TLN2: variants seen among roughly 807,000 people sequenced by gnomAD.
The protein encoded by TLN2 is talin 2.
A neutral mutation model predicts 294.7 loss-of-function variants in TLN2; 118 were observed. The observed-to-expected ratio is 0.40, with a 90% CI of 0.34 to 0.47. The LOEUF is 0.47. Ranked by LOEUF, TLN2 falls within the 20% of genes least tolerant of loss-of-function variation. TLN2 has a pLI of 0.84. For missense variants in TLN2, 3,083 were observed against 3,282.2 expected (o/e 0.94, Z 1.48); for synonymous variants, 1,431 against 1,304.5 (o/e 1.10, Z -2.09).
At chr15:62,541,463 G>A (rs2041680352) in intron 1 of TLN2, among the ~76,000 whole-genome samples, 2 of 152,120 alleles carry the variant, frequency 1.3e-5, no homozygotes, top group South Asian at 4.2e-4. Context: ...TTTGACCCTG[G>A]ATGGTGCTCC....
Position 62,843,954 on chromosome 15 carries a change from A to C in TLN2, c.*3344A>C, listed in dbSNP as rs2070959202. On this transcript the variant is annotated 3_prime_UTR_variant, in exon 59 of 59. Coordinates refer to ENST00000636159, the MANE Select transcript of TLN2 (RefSeq NM_015059.3). ...AGGCCTCTGGGATGCTGGCCTTAAG[A>C]TCTCAGCACAGACTATCAGCATGTT... The C allele has an allele frequency of 6.6e-6, 1 of 152,138 alleles. No individual in the cohort carries two copies. Among genetic ancestry groups the C allele is most frequent in the African/African-American group, 2.4e-5 (1 of 41,424 alleles). 9.4% of individuals were successfully genotyped at this position (152,138 alleles called of 1,614,324 possible). A position where few individuals can be genotyped will look rare whatever the true frequency, so the allele number is the denominator to read the frequency against.
intron 3 of TLN2, among the ~76,000 whole-genome samples, chr15:62,631,639 C>T (rs1425954655): frequency 3.1e-5 from 4 of 127,244 alleles, no homozygotes; most frequent in South Asian, 2.5e-4. Context: ...CCCTTTCTTT[C>T]TCTTTCTTTC....
chr15:62,697,386 G>A (rs1405556369), intron 14 of TLN2, among the ~76,000 whole-genome samples: 1 of 152,226 alleles, frequency 6.6e-6, no homozygotes, highest in Non-Finnish European at 1.5e-5. Flanking sequence ...TGGGATTACA[G>A]GGGTGAGATA....
chr15:62,464,041 G>T (rs1269238195), intron 1 of TLN2, among the ~76,000 whole-genome samples: 1 of 152,214 alleles, frequency 6.6e-6, no homozygotes, highest in Non-Finnish European at 1.5e-5. Flanking sequence ...TCTAGAACTA[G>T]AAATAGCATT....
At chr15:62,466,435 C>T (rs941232697) in intron 1 of TLN2, among the ~76,000 whole-genome samples, 2 of 152,190 alleles carry the variant, frequency 1.3e-5, no homozygotes, top group African/African-American at 2.4e-5. Context: ...CAGCAGCATC[C>T]CTGGCCTCTC....
intron 1 of TLN2, among the ~76,000 whole-genome samples, chr15:62,475,847 A>G (rs2037755554): frequency 3.3e-5 from 5 of 152,362 alleles, no homozygotes; most frequent in East Asian, 3.9e-4. Flanking sequence ...GGAGTCAGAC[A>G]GAGTAAGAAT....
At chr15:62,701,268 T>G in intron 17 of TLN2, 54 bp downstream of exon 17, 2 of 1,398,828 alleles carry the variant, frequency 1.4e-6, no homozygotes, top group Non-Finnish European at 2.0e-6. Flanking sequence ...AAGCTGTGTT[T>G]TTTTTTTTAA....
chr15:62,784,204 T>A (rs1052941453), intron 45 of TLN2: 7 of 407,358 alleles, frequency 1.7e-5, no homozygotes, highest in African/African-American at 2.0e-5. Flanking sequence ...ATGCCCAAGC[T>A]TGGGACTGCC....
chr15:62,796,487 C>T lies in TLN2; in HGVS notation c.6050+194C>T, dbSNP rs772891572. Among the ~76,000 whole-genome samples the T allele has an allele frequency of 7.9e-5, 12 of 152,172 alleles. No individual in the cohort carries two copies. The South Asian group carries it at 1.2e-3, about 16-fold the overall frequency. ...CAACTGTAAACACAGTGTCGTGGTT[C>T]GAGCTTTGCCTTTGACAGCCTTAAA... On this transcript the variant is annotated intron_variant, in intron 47 of 58. Coordinates refer to ENST00000636159, the MANE Select transcript of TLN2 (RefSeq NM_015059.3).
At position 62,740,714 on chromosome 15, in the gene TLN2, C is replaced by T; in HGVS notation, c.3970C>T (p.Leu1324Phe). The change falls in exon 32 of 59, where the codon CTC (leucine) becomes TTC (phenylalanine). Residue 1324 changes from leucine to phenylalanine, a missense_variant. Transcript: ENST00000636159. The part of the protein sequence containing the change: ...SSKLLLAAKS[L>F]SVDPGAPNAK... ...CAAGCTGCTGTTAGCTGCCAAGTCTCTCTCTGTAGATCCAGGAGCTCCCAA... is the reference window on the plus strand; with the variant it reads ...CAAGCTGCTGTTAGCTGCCAAGTCTTTCTCTGTAGATCCAGGAGCTCCCAA... 2 of 1,614,236 alleles carry T rather than the reference C, an allele frequency of 1.2e-6. No homozygotes were observed. The highest frequency in any genetic ancestry group is 1.7e-6 in the Non-Finnish European group (2 of 1,180,048).
chr15:62,776,089 G>A (rs1214138867), intron 42 of TLN2, among the ~76,000 whole-genome samples: 1 of 152,144 alleles, frequency 6.6e-6, no homozygotes, highest in African/African-American at 2.4e-5. Context: ...TATCTTTCAG[G>A]GAGCCCAGGA....
chr15:62,502,800 C>T (rs1265563128), intron 1 of TLN2, among the ~76,000 whole-genome samples: 2 of 152,140 alleles, frequency 1.3e-5, no homozygotes, highest in East Asian at 1.9e-4. Flanking sequence ...TAGAAAGGCC[C>T]GGTGATAGAT....
intron 1 of TLN2, among the ~76,000 whole-genome samples, chr15:62,587,564 A>T (rs1279517331): frequency 6.6e-6 from 1 of 152,182 alleles, no homozygotes; most frequent in Non-Finnish European, 1.5e-5. Context: ...TTCAATGTCT[A>T]TGTGGTTTAC....
intron 54 of TLN2, among the ~76,000 whole-genome samples, chr15:62,827,038 T>C (rs1363310165): frequency 6.7e-6 from 1 of 149,290 alleles, no homozygotes; most frequent in Non-Finnish European, 1.5e-5. Context: ...AGGGCGACCA[T>C]TGTGTTTTTA....
chr15:62,679,677 A>G (rs1178948166), intron 11 of TLN2, among the ~76,000 whole-genome samples: 1 of 152,214 alleles, frequency 6.6e-6, no homozygotes, highest in African/African-American at 2.4e-5. Context: ...AAAATATTCT[A>G]GAACTGACTG....
intron 3 of TLN2, among the ~76,000 whole-genome samples, chr15:62,631,521 C>T (rs967723126): frequency 8.4e-4 from 42 of 49,786 alleles, no homozygotes; most frequent in African/African-American, 1.1e-3. Context: ...TTTCTTTCTT[C>T]CTTTCCTTTC....
intron 9 of TLN2, among the ~76,000 whole-genome samples, chr15:62,661,237 T>C (rs946640479): frequency 1.7e-4 from 26 of 152,102 alleles, no homozygotes; most frequent in African/African-American, 6.3e-4. Flanking sequence ...CATGATAAAA[T>C]TGAAGGTGAC....
intron 50 of TLN2, among the ~76,000 whole-genome samples, chr15:62,801,203 C>G (rs1274607599): frequency 2.0e-5 from 3 of 152,202 alleles, no homozygotes; most frequent in Non-Finnish European, 2.9e-5. Context: ...GTTGGAAAAG[C>G]CTAGAAGCCT....
intron 54 of TLN2, among the ~76,000 whole-genome samples, chr15:62,825,836 A>ATAAT (rs1555522053): frequency 2.6e-5 from 2 of 77,064 alleles, no homozygotes; most frequent in African/African-American, 1.6e-4. Context: ...TATAATATAT[A>ATAAT]ATATATATAA....
Sources: allele counts gnomAD v4.1 joint callset (sites outside exome capture counted in the v4.1 genomes callset), GRCh38; gene constraint gnomAD v4.1.1; transcripts MANE v1.5; gene names NCBI Gene and HGNC (gene_info 2026-07-23, HGNC 2026-07-21).